CDH18: variants seen among roughly 807,000 people sequenced by gnomAD.
CDH18 encodes cadherin 18.
In CDH18, 31 loss-of-function variants were observed where a neutral mutation model predicts 67.9. The ratio of observed to expected loss-of-function variants is 0.46; its 90% CI spans 0.34 to 0.62. The LOEUF (loss-of-function observed/expected upper bound fraction) is 0.62, where lower values mean the gene tolerates loss of function less well. Ranked by LOEUF, CDH18 falls within the 20% of genes least tolerant of loss-of-function variation. The pLI is 0.01. For synonymous variants in CDH18, 362 were observed against 347.2 expected, an observed-to-expected ratio of 1.04 and a Z score of -0.48; for missense variants, 890 against 975.5, an observed-to-expected ratio of 0.91 and a Z score of 1.17.
At chr5:19,844,398 T>C (rs1215567093) in intron 2 of CDH18, among the ~76,000 whole-genome samples, 1 of 152,190 alleles carries the variant, frequency 6.6e-6, no homozygotes, top group Non-Finnish European at 1.5e-5. Context: ...CCCTTTGTTC[T>C]GCAATTCTCT....
intron 2 of CDH18, among the ~76,000 whole-genome samples, chr5:20,231,560 T>C (rs1235544310): frequency 2.0e-5 from 3 of 150,992 alleles, no homozygotes; most frequent in Non-Finnish European, 4.4e-5. Flanking sequence ...GATCGCACCA[T>C]TGGCACTCCA....
intron 2 of CDH18, among the ~76,000 whole-genome samples, chr5:20,146,082 C>T (rs1040927675): frequency 3.3e-5 from 5 of 152,098 alleles, no homozygotes; most frequent in African/African-American, 1.2e-4. Flanking sequence ...GGCATCTAGT[C>T]AACTGGTCTC....
At chr5:20,386,803 A>G (rs573879798) in intron 1 of CDH18, among the ~76,000 whole-genome samples, 3 of 152,130 alleles carry the variant, frequency 2.0e-5, no homozygotes, top group Non-Finnish European at 4.4e-5. Context: ...TTATCCCAAT[A>G]ATTATTTTAC....
intron 2 of CDH18, among the ~76,000 whole-genome samples, chr5:20,060,944 T>C (rs1032429965): frequency 2.6e-5 from 4 of 151,700 alleles, no homozygotes; most frequent in African/African-American, 7.2e-5. Context: ...GATAACATGA[T>C]GCAAGAAAAA....
chr5:20,128,222 C>T (rs1310288461), intron 2 of CDH18, among the ~76,000 whole-genome samples: 2 of 151,984 alleles, frequency 1.3e-5, no homozygotes, highest in Admixed American at 6.6e-5. Context: ...AACAGCTCTC[C>T]TATTCACCTC....
intron 1 of CDH18, among the ~76,000 whole-genome samples, chr5:20,386,679 T>G (rs1744336291): frequency 6.6e-6 from 1 of 152,138 alleles, no homozygotes; most frequent in South Asian, 2.1e-4. Flanking sequence ...ATAACCCATA[T>G]CTTATATATG....
chr5:19,592,912 T>C (rs1404357059), intron 6 of CDH18, among the ~76,000 whole-genome samples: 1 of 152,064 alleles, frequency 6.6e-6, no homozygotes, highest in Non-Finnish European at 1.5e-5. Flanking sequence ...GCTTGAAATA[T>C]GCAGTACTAT....
chr5:19,749,082 A>G (rs1770496684), intron 3 of CDH18, among the ~76,000 whole-genome samples: 1 of 152,078 alleles, frequency 6.6e-6, no homozygotes, highest in Non-Finnish European at 1.5e-5. Flanking sequence ...TTATTTATTT[A>G]TGTCTCTTAG....
At chr5:20,307,902 T>G (rs2149982545) in intron 1 of CDH18, among the ~76,000 whole-genome samples, 1 of 152,234 alleles carries the variant, frequency 6.6e-6, no homozygotes, top group South Asian at 2.1e-4. Context: ...TTCATTAACC[T>G]TAAACATTTA....
intron 1 of CDH18, among the ~76,000 whole-genome samples, chr5:20,547,163 T>G (rs891129245): frequency 2.0e-5 from 3 of 152,164 alleles, no homozygotes; most frequent in Non-Finnish European, 2.9e-5. Context: ...CAATTTATGT[T>G]AGAAAGTGAG....
intron 4 of CDH18, among the ~76,000 whole-genome samples, chr5:19,736,200 G>A (rs1431223425): frequency 6.6e-6 from 1 of 152,034 alleles, no homozygotes; most frequent in East Asian, 1.9e-4. Flanking sequence ...TGTTCAGTGT[G>A]GGCAACATTG....
At chr5:20,004,547 C>T (rs1736732987) in intron 2 of CDH18, among the ~76,000 whole-genome samples, 1 of 152,096 alleles carries the variant, frequency 6.6e-6, no homozygotes, top group South Asian at 2.1e-4. Flanking sequence ...AGGCCACCAA[C>T]GATTAGCCAA....
At chr5:20,369,101 A>G (rs1742761432) in intron 1 of CDH18, among the ~76,000 whole-genome samples, 1 of 152,094 alleles carries the variant, frequency 6.6e-6, no homozygotes, top group South Asian at 2.1e-4. Context: ...AAACCAAAAA[A>G]AGAGCTTTAG....
intron 2 of CDH18, among the ~76,000 whole-genome samples, chr5:20,098,592 A>G (rs1746187673): frequency 6.6e-6 from 1 of 152,118 alleles, no homozygotes; most frequent in Non-Finnish European, 1.5e-5. Context: ...TGAAATATCC[A>G]TGAGAAATTA....
chr5:20,342,661 G>A (rs1356198410), intron 1 of CDH18, among the ~76,000 whole-genome samples: 5 of 152,194 alleles, frequency 3.3e-5, no homozygotes, highest in Non-Finnish European at 7.3e-5. Flanking sequence ...AATGGCAGAA[G>A]GAACATAGAG....
chr5:19,715,976 C>T (rs1042070138), intron 5 of CDH18, among the ~76,000 whole-genome samples: 2 of 151,956 alleles, frequency 1.3e-5, no homozygotes, highest in African/African-American at 4.8e-5. Context: ...CACTACTACA[C>T]CTGACTAATT....
chr5:20,075,115 G>A (rs992983962), intron 2 of CDH18, among the ~76,000 whole-genome samples: 4 of 152,078 alleles, frequency 2.6e-5, no homozygotes, highest in African/African-American at 9.7e-5. Context: ...TTGTGACTTC[G>A]GATGTATGTG....
rs1561069440 is a variant in CDH18 at position 20,501,574 on chromosome 5, ATATATATTATATATATATAT to A, written c.-580+73868_-580+73887del. On this transcript the variant is annotated intron_variant, in intron 1 of 14. Transcript: ENST00000507958. The stretch of plus-strand genomic sequence containing the variant: ...TATATATAATATATATATATAATAT[ATATATATTATATATATATAT>A]TATATATATATATATATATATGGAG... 3.0e-3 allele frequency among the ~76,000 whole-genome samples: 72 copies of A among 24,088 alleles called. 2 individuals carry two copies. Among genetic ancestry groups the A allele is most frequent in the East Asian group, 0.01 (4 of 388 alleles). The allele number at this position is 24,088 out of a possible 152,430, so 15.8% of individuals were successfully genotyped here.
At chr5:20,321,582 T>G (rs963137830) in intron 1 of CDH18, among the ~76,000 whole-genome samples, 1 of 152,198 alleles carries the variant, frequency 6.6e-6, no homozygotes, top group East Asian at 1.9e-4. Flanking sequence ...TTCTATTTCA[T>G]TTCTGTGATT....
Sources: gnomAD v4.1 joint callset for allele counts (sites outside exome capture counted in the v4.1 genomes callset) on GRCh38, gnomAD v4.1.1 for gene constraint, MANE v1.5 for transcripts, NCBI Gene and HGNC (gene_info 2026-07-23, HGNC 2026-07-21) for gene names.